ANK3: variants seen among roughly 807,000 people sequenced by gnomAD.
ANK3 encodes ankyrin 3, also known as ankyrin-3.
In ANK3, 57 loss-of-function variants were observed where a neutral mutation model predicts 370.9. The ratio of observed to expected loss-of-function variants is 0.15; its 90% confidence interval spans 0.12 to 0.19. The LOEUF is 0.19. Among genes scored for constraint, ANK3 ranks in the 10% least tolerant of loss-of-function variants. The pLI, the probability that ANK3 is intolerant of heterozygous loss-of-function variation, is 1.00. For missense variants in ANK3, 4,439 were observed against 5,302.1 expected, an observed-to-expected ratio of 0.84 and a Z score of 5.06; for synonymous variants, 1,929 against 1,946.3, an observed-to-expected ratio of 0.99 and a Z score of 0.23.
At chr10:60,376,648 C>G (rs1434049969) in intron 1 of ANK3, among the ~76,000 whole-genome samples, 1 of 152,204 alleles carries the variant, frequency 6.6e-6, no homozygotes, top group Non-Finnish European at 1.5e-5. Context: ...AAGACCAGCA[C>G]TTGCATTGGC....
intron 1 of ANK3, among the ~76,000 whole-genome samples, chr10:60,372,772 C>T (rs1319161725): frequency 1.3e-5 from 2 of 152,132 alleles, no homozygotes. Flanking sequence ...TACAACTCTG[C>T]CCTTCGAAAC....
chr10:60,431,229 G>A (rs780602146), intron 2 of ANK3, among the ~76,000 whole-genome samples: 6 of 152,130 alleles, frequency 3.9e-5, no homozygotes, highest in Non-Finnish European at 7.4e-5. Flanking sequence ...CAAATCACCA[G>A]GCATTAGATT....
At chr10:60,643,120 C>T (rs111310223) in intron 1 of ANK3, among the ~76,000 whole-genome samples, 25 of 151,904 alleles carry the variant, frequency 1.6e-4, no homozygotes, top group Admixed American at 5.9e-4. Flanking sequence ...GGTGACAGAC[C>T]GTGATGGTTA....
intron 2 of ANK3, among the ~76,000 whole-genome samples, chr10:60,533,582 G>C (rs564360632): frequency 6.6e-6 from 1 of 152,292 alleles, no homozygotes; most frequent in African/African-American, 2.4e-5. Flanking sequence ...TGGAGGTTGA[G>C]GGTGAAGAGG....
chr10:60,321,153 G>A (rs1297841840), intron 1 of ANK3, among the ~76,000 whole-genome samples: 4 of 152,136 alleles, frequency 2.6e-5, no homozygotes, highest in African/African-American at 9.7e-5. Context: ...CAATTTGGGA[G>A]TCTGAGGCAG....
rs3045340 is a variant in ANK3, at chr10:60,100,234, GT to G, written c.3328+5670del. 6.9e-4 allele frequency among the ~76,000 whole-genome samples: 40 copies of G among 57,896 alleles called. No individual in the cohort carries two copies. In the East Asian group the frequency reaches 0.016, roughly 23 times the overall value. The allele number at this position is 57,896 out of a possible 152,430, so 38.0% of individuals were successfully genotyped here. A position where few individuals can be genotyped will look rare whatever the true frequency, so the allele number is the denominator to read the frequency against. ...GGCTGAAAGTCAGTATTTTGCTATG[GT>G]TTTTTTTTTTTTTTTTTTTTTGCAC... On this transcript the variant is annotated intron_variant, in intron 28 of 43. Coordinates refer to ENST00000280772, the MANE Select transcript of ANK3 (RefSeq NM_020987.5).
intron 1 of ANK3, among the ~76,000 whole-genome samples, chr10:60,643,500 A>ATATCTACCTACC (rs370999914): frequency 6.8e-6 from 1 of 146,716 alleles, no homozygotes; most frequent in Non-Finnish European, 1.5e-5. Context: ...ACTCCCCTTT[A>ATATCTACCTACC]TATCTATCTA....
At chr10:60,286,230 C>A (rs1163881892) in intron 1 of ANK3, among the ~76,000 whole-genome samples, 2 of 152,116 alleles carry the variant, frequency 1.3e-5, no homozygotes, top group Non-Finnish European at 2.9e-5. Context: ...TAATCACTCT[C>A]ATGCCTTTCT....
At chr10:60,202,043 A>C (rs1206000155) in intron 12 of ANK3, among the ~76,000 whole-genome samples, 1 of 151,522 alleles carries the variant, frequency 6.6e-6, no homozygotes, top group Admixed American at 6.6e-5. Context: ...AAACGACGAT[A>C]GTATCTAAAC....
chr10:60,093,677 G>C (rs2089323899), intron 28 of ANK3, among the ~76,000 whole-genome samples: 1 of 152,180 alleles, frequency 6.6e-6, no homozygotes, highest in Non-Finnish European at 1.5e-5. Context: ...TTGCGTGATA[G>C]AGGCAGGCTG....
chr10:60,427,615 G>T (rs1335679173), intron 2 of ANK3, among the ~76,000 whole-genome samples: 8 of 151,968 alleles, frequency 5.3e-5, no homozygotes, highest in South Asian at 4.2e-4. Flanking sequence ...TCTTTCAAAA[G>T]AACATTATCC....
intron 2 of ANK3, among the ~76,000 whole-genome samples, chr10:60,514,034 C>G (rs1012569797): frequency 6.6e-6 from 1 of 152,138 alleles, no homozygotes; most frequent in African/African-American, 2.4e-5. Flanking sequence ...GGATGAAGAT[C>G]TTTATAATTA....
At chr10:60,254,428 G>A (rs535413601) in intron 7 of ANK3, among the ~76,000 whole-genome samples, 1 of 152,248 alleles carries the variant, frequency 6.6e-6, no homozygotes, top group East Asian at 1.9e-4. Context: ...ACTGGAGCCA[G>A]GCTCACCTCC....
intron 1 of ANK3, among the ~76,000 whole-genome samples, chr10:60,621,758 GGC>G (rs2078340854): frequency 6.6e-6 from 1 of 152,072 alleles, no homozygotes; most frequent in East Asian, 1.9e-4. Context: ...AATATAATGA[GGC>G]TCTGTAAAGA....
chr10:60,160,893 T>A (rs1485422154), intron 23 of ANK3, among the ~76,000 whole-genome samples: 1 of 152,080 alleles, frequency 6.6e-6, no homozygotes, highest in Non-Finnish European at 1.5e-5. Context: ...CATACCTCAA[T>A]ACAATAAAAG....
At chr10:60,466,271 G>A (rs1470474317) in intron 2 of ANK3, among the ~76,000 whole-genome samples, 1 of 152,136 alleles carries the variant, frequency 6.6e-6, no homozygotes. Flanking sequence ...TCTTCAGTTA[G>A]AGTCCTGTGG....
At chr10:60,656,588 G>A (rs1176078123) in intron 1 of ANK3, among the ~76,000 whole-genome samples, 2 of 152,160 alleles carry the variant, frequency 1.3e-5, no homozygotes, top group Middle Eastern at 3.4e-3. Context: ...TTCCCAAAGT[G>A]TGAATGAATG....
chr10:60,633,721 T>C (rs2078515156), intron 1 of ANK3, among the ~76,000 whole-genome samples: 1 of 152,310 alleles, frequency 6.6e-6, no homozygotes, highest in Non-Finnish European at 1.5e-5. Context: ...TGGATAACTA[T>C]AGGTGATATT....
intron 2 of ANK3, among the ~76,000 whole-genome samples, chr10:60,467,984 C>CTTT (rs56199348): frequency 5.9e-5 from 8 of 135,306 alleles, no homozygotes; most frequent in South Asian, 4.7e-4. Flanking sequence ...CATATAAAAA[C>CTTT]TTTTTTTTTT....
Sources: gnomAD v4.1 joint callset for allele counts (sites outside exome capture counted in the v4.1 genomes callset) on GRCh38, gnomAD v4.1.1 for gene constraint, MANE v1.5 for transcripts, NCBI Gene and HGNC (gene_info 2026-07-23, HGNC 2026-07-21) for gene names.